The following ROBO2 variants were observed in gnomAD, a reference collection of about 807,000 sequenced individuals.
ROBO2 encodes roundabout guidance receptor 2.
In ROBO2, 53 loss-of-function variants were observed where a neutral mutation model predicts 160.8. The ratio of observed to expected loss-of-function variants is 0.33; its 90% CI spans 0.26 to 0.41. ROBO2 has a LOEUF of 0.41. Ranked by LOEUF, ROBO2 falls within the 10% of genes least tolerant of loss-of-function variation. ROBO2 has a pLI of 1.00. For synonymous variants in ROBO2, 664 were observed against 611.7 expected (o/e 1.09, Z -1.26); for missense variants, 1,577 against 1,722.4 (o/e 0.92, Z 1.49).
chr3:75,968,184 G>T (rs1316113362), intron 2 of ROBO2, among the ~76,000 whole-genome samples: 1 of 151,426 alleles, frequency 6.6e-6, no homozygotes, highest in Non-Finnish European at 1.5e-5. Flanking sequence ...TTCATATGTT[G>T]CAAAAATAAT....
chr3:77,107,615 G>A (rs1280776692), intron 2 of ROBO2, among the ~76,000 whole-genome samples: 1 of 152,138 alleles, frequency 6.6e-6, no homozygotes, highest in African/African-American at 2.4e-5. Context: ...AATATATACA[G>A]GAAGATGTGT....
Position 76,451,065 on chromosome 3 carries a change from T to G in ROBO2, c.109+513463T>G, listed in dbSNP as rs188143381. 2.0e-5 allele frequency among the ~76,000 whole-genome samples: 3 copies of G among 152,152 alleles called. No individual in the cohort carries two copies. The East Asian group carries it at 5.8e-4, about 30-fold the overall frequency. ...TGCCATTCGGGGTTCCAGGCCTCTT[T>G]GGTAGGTTGTGTAACAGGATGAAAT... On this transcript the variant is annotated intron_variant, in intron 2 of 26. Coordinates refer to the ROBO2 transcript ENST00000487694.
At chr3:76,402,714 C>T (rs936095376) in intron 2 of ROBO2, among the ~76,000 whole-genome samples, 2 of 150,222 alleles carry the variant, frequency 1.3e-5, no homozygotes, top group South Asian at 4.2e-4. Context: ...AGCTGCAACA[C>T]TTCTATTCTC....
chr3:77,368,481 G>A (rs1375683245), intron 2 of ROBO2, among the ~76,000 whole-genome samples: 1 of 152,034 alleles, frequency 6.6e-6, no homozygotes, highest in African/African-American at 2.4e-5. Flanking sequence ...GCTCATTGGT[G>A]GTTTAGCAAC....
At chr3:76,148,636 C>T (rs1577056514) in intron 2 of ROBO2, among the ~76,000 whole-genome samples, 1 of 152,150 alleles carries the variant, frequency 6.6e-6, no homozygotes, top group Admixed American at 6.6e-5. Flanking sequence ...TGCCAAGTCC[C>T]AGTGTTTGAT....
intron 2 of ROBO2, among the ~76,000 whole-genome samples, chr3:76,280,612 A>G (rs1708178054): frequency 1.3e-5 from 2 of 152,020 alleles, no homozygotes. Context: ...AGTATATTTC[A>G]ACTCTGGATT....
At chr3:76,386,258 A>G (rs1468245159) in intron 2 of ROBO2, among the ~76,000 whole-genome samples, 1 of 152,010 alleles carries the variant, frequency 6.6e-6, no homozygotes, top group Non-Finnish European at 1.5e-5. Context: ...AACACAGGTT[A>G]TCTTACCAAT....
chr3:77,152,907 C>T (rs2077664674), intron 2 of ROBO2, among the ~76,000 whole-genome samples: 1 of 152,162 alleles, frequency 6.6e-6, no homozygotes, highest in African/African-American at 2.4e-5. Context: ...AACACTTCTA[C>T]CCATGAGCAA....
intron 2 of ROBO2, among the ~76,000 whole-genome samples, chr3:76,181,452 G>C (rs1701499196): frequency 6.6e-6 from 1 of 152,106 alleles, no homozygotes; most frequent in Admixed American, 6.6e-5. Context: ...CTTTTGGTAT[G>C]ATGGGAAATT....
intron 2 of ROBO2, among the ~76,000 whole-genome samples, chr3:76,102,009 A>G (rs927695025): frequency 1.4e-5 from 2 of 145,158 alleles, no homozygotes; most frequent in African/African-American, 5.2e-5. Context: ...ATGTGTTCCC[A>G]TTGTACCCCG....
chr3:76,566,061 A>T (rs2084499525), intron 2 of ROBO2, among the ~76,000 whole-genome samples: 1 of 152,208 alleles, frequency 6.6e-6, no homozygotes, highest in African/African-American at 2.4e-5. Context: ...TCTCCAGAAC[A>T]CATAGCTTCC....
intron 2 of ROBO2, among the ~76,000 whole-genome samples, chr3:77,437,294 A>G (rs1182551269): frequency 6.6e-6 from 1 of 152,006 alleles, no homozygotes; most frequent in East Asian, 1.9e-4. Flanking sequence ...ATGAGGATAT[A>G]GTTCTTACAC....
intron 2 of ROBO2, among the ~76,000 whole-genome samples, chr3:76,515,888 T>TA: frequency 6.6e-6 from 1 of 152,328 alleles, no homozygotes; most frequent in East Asian, 1.9e-4. Context: ...ATTCTTCACT[T>TA]ATGTCTCATT....
At chr3:76,539,050 TG>T (rs1391529307) in intron 2 of ROBO2, among the ~76,000 whole-genome samples, 2 of 152,144 alleles carry the variant, frequency 1.3e-5, no homozygotes, top group Non-Finnish European at 2.9e-5. Context: ...TGCAGGGACA[TG>T]GATGAAGCTG....
intron 2 of ROBO2, among the ~76,000 whole-genome samples, chr3:77,416,181 C>T (rs557230567): frequency 7.2e-5 from 11 of 152,172 alleles, no homozygotes; most frequent in South Asian, 4.2e-4. Flanking sequence ...GGGGAGGGCC[C>T]GAAAGTGGGT....
At chr3:77,327,565 A>G (rs2065535838) in intron 2 of ROBO2, among the ~76,000 whole-genome samples, 1 of 152,156 alleles carries the variant, frequency 6.6e-6, no homozygotes, top group African/African-American at 2.4e-5. Context: ...GACCCCAACT[A>G]TTAAAGGCTA....
intron 2 of ROBO2, among the ~76,000 whole-genome samples, chr3:76,163,018 A>G (rs975330117): frequency 6.6e-5 from 10 of 152,182 alleles, no homozygotes; most frequent in African/African-American, 2.4e-4. Context: ...GGACTTGAAC[A>G]TAAGAGAAAA....
intron 2 of ROBO2, among the ~76,000 whole-genome samples, chr3:76,032,367 T>C (rs1194649064): frequency 6.6e-6 from 1 of 152,196 alleles, no homozygotes; most frequent in Non-Finnish European, 1.5e-5. Context: ...TCAGTTCTGC[T>C]CTGATCTTAG....
chr3:77,626,058 C>T (rs1009918160), intron 23 of ROBO2, among the ~76,000 whole-genome samples: 1 of 152,062 alleles, frequency 6.6e-6, no homozygotes, highest in African/African-American at 2.4e-5. Context: ...TTATCATGAT[C>T]CCTGCTCTGG....
Sources: allele counts gnomAD v4.1 joint callset (sites outside exome capture counted in the v4.1 genomes callset), GRCh38; gene constraint gnomAD v4.1.1; transcripts MANE v1.5; gene names NCBI Gene and HGNC (gene_info 2026-07-23, HGNC 2026-07-21).